The following TRAF2 variants were observed in gnomAD, a reference collection of about 807,000 sequenced individuals.
TRAF2 encodes TNF receptor associated factor 2.
A neutral mutation model predicts 55.6 loss-of-function variants in TRAF2; 6 were observed. That is an observed-to-expected ratio of 0.11 (90% CI 0.06 to 0.21). The LOEUF (loss-of-function observed/expected upper bound fraction) is 0.21, where lower values mean the gene tolerates loss of function less well. Among genes scored for constraint, TRAF2 ranks in the 10% least tolerant of loss-of-function variants. TRAF2 has a pLI of 1.00. For synonymous variants in TRAF2, 329 were observed against 276.3 expected, an observed-to-expected ratio of 1.19 and a Z score of -1.89; for missense variants, 561 against 684.5, an observed-to-expected ratio of 0.82 and a Z score of 2.01.
At chr9:136,910,056 T>G in intron 6 of TRAF2, 62 bp downstream of exon 6, 12 of 1,487,052 alleles carry the variant, frequency 8.1e-6, no homozygotes, top group South Asian at 1.2e-5. Flanking sequence ...GACGTGAGGG[T>G]CCCGTGGGTG....
Position 136,900,319 on chromosome 9 carries a change from G to A in TRAF2, c.268-103G>A, listed in dbSNP as rs115376150. On this transcript the variant is annotated intron_variant, in intron 3 of 10. Transcript: ENST00000247668. Reference sequence around the variant, plus strand: ...TGCTCCTGGAGTGGCCTGGAAAGGCGATGTGACGCAGTATTGGTTGGTTTG... The same window carrying A: ...TGCTCCTGGAGTGGCCTGGAAAGGCAATGTGACGCAGTATTGGTTGGTTTG... The A allele has an allele frequency of 1.9e-3, 1,361 of 706,156 alleles. 17 individuals are homozygous for A. The African/African-American group carries it at 0.022, about 11-fold the overall frequency. The allele number at this position is 706,156 out of a possible 1,614,324, so 43.7% of individuals were successfully genotyped here.
At chr9:136,922,965 G>T (rs1467887933) in intron 9 of TRAF2, among the ~76,000 whole-genome samples, 1 of 152,020 alleles carries the variant, frequency 6.6e-6, no homozygotes, top group East Asian at 1.9e-4. Flanking sequence ...GGGGCACGCG[G>T]TGGAGGACGA....
chr9:136,910,059 C>G (rs17250434), intron 6 of TRAF2, 65 bp downstream of exon 6: 2,529 of 934,594 alleles, frequency 2.7e-3, no homozygotes, highest in Non-Finnish European at 3.8e-3. Context: ...GTGAGGGTCC[C>G]GTGGGTGGGG....
chr9:136,893,801 G>A (rs1849627797), intron 1 of TRAF2, among the ~76,000 whole-genome samples: 1 of 152,166 alleles, frequency 6.6e-6, no homozygotes, highest in Non-Finnish European at 1.5e-5. Context: ...GCAGGCTGGA[G>A]TGCAGTGGTG....
upstream of TRAF2, among the ~76,000 whole-genome samples, chr9:136,885,222 C>T (rs1849423193): frequency 6.6e-6 from 1 of 152,222 alleles, no homozygotes; most frequent in Non-Finnish European, 1.5e-5. Context: ...AAAGCCTGCC[C>T]TGTTTTGCAG....
At chr9:136,898,150 C>A (rs897607501) in intron 1 of TRAF2, among the ~76,000 whole-genome samples, 2 of 152,162 alleles carry the variant, frequency 1.3e-5, no homozygotes, top group South Asian at 2.1e-4. Flanking sequence ...GTGCACTAGC[C>A]AGCCCCAGGT....
chr9:136,889,067 T>C (rs17250029), intron 1 of TRAF2, among the ~76,000 whole-genome samples: 74 of 152,278 alleles, frequency 4.9e-4, no homozygotes, highest in African/African-American at 1.6e-3. Context: ...GGTTTCACCA[T>C]GTTAGCCAGG....
intron 6 of TRAF2, among the ~76,000 whole-genome samples, chr9:136,911,264 CTTT>C (rs34077067): frequency 0.69 from 84,550 of 122,084 alleles, 28,190 homozygotes; most frequent in East Asian, 0.81. Flanking sequence ...TCCTTCCCGT[CTTT>C]TTTTTTTTTT....
intron 1 of TRAF2, among the ~76,000 whole-genome samples, chr9:136,895,850 GAAAAA>G (rs56199191): frequency 2.2e-4 from 29 of 132,876 alleles, no homozygotes; most frequent in Admixed American, 2.3e-4. Context: ...TCTGTTTAAG[GAAAAA>G]AAAAAAAAAA....
chr9:136,917,850 G>A (rs556004994), intron 7 of TRAF2, among the ~76,000 whole-genome samples: 9 of 152,172 alleles, frequency 5.9e-5, no homozygotes, highest in Non-Finnish European at 1.0e-4. Context: ...CAGGCTTCCC[G>A]TGCGGGAGGT....
intron 8 of TRAF2, 28 bp from the exon 9 acceptor site, chr9:136,921,008 AAG>A: frequency 1.2e-6 from 2 of 1,611,674 alleles, no homozygotes; most frequent in East Asian, 2.2e-5. Flanking sequence ...CCCCTCCTGT[AAG>A]AGGGAAGGTG....
At chr9:136,897,850 T>C (rs1167305612) in intron 1 of TRAF2, among the ~76,000 whole-genome samples, 1 of 128,430 alleles carries the variant, frequency 7.8e-6, no homozygotes, top group Admixed American at 8.3e-5. Context: ...GGGAGTGCAC[T>C]AGCCAGCCTC....
chr9:136,912,152 C>CTTTTTTTTTTTTTT lies in TRAF2; in HGVS notation c.603+2172_603+2185dup, dbSNP rs1180324647. ...CAGGCGTGAGCCACTGCGTCTGGCC[C>CTTTTTTTTTTTTTT]TTTTTTTTTTTTTTTTTTTTTTTTT... is the stretch of plus-strand genomic sequence containing the variant. On this transcript the variant is annotated intron_variant, in intron 6 of 10. Transcript: ENST00000247668. Among the ~76,000 whole-genome samples, 10 of 58,302 alleles carry CTTTTTTTTTTTTTT rather than the reference C, an allele frequency of 1.7e-4. 1 individual carries two copies. The highest frequency in any genetic ancestry group is 7.6e-4 in the African/African-American group (10 of 13,152). The allele number at this position is 58,302 out of a possible 152,430, so 38.2% of individuals were successfully genotyped here.
chr9:136,893,383 C>CT (rs1374981745), intron 1 of TRAF2, among the ~76,000 whole-genome samples: 11 of 152,360 alleles, frequency 7.2e-5, no homozygotes, highest in African/African-American at 2.6e-4. Flanking sequence ...CCACTGCTGG[C>CT]TTTGGGGGGC....
intron 1 of TRAF2, among the ~76,000 whole-genome samples, chr9:136,897,110 A>G (rs972506006): frequency 2.6e-5 from 4 of 152,204 alleles, no homozygotes; most frequent in African/African-American, 7.2e-5. Flanking sequence ...GGGGAGAGAG[A>G]AACCCACCTG....
In TRAF2 at chr9:136,920,501, G is replaced by T. The variant is rs575818876; in HGVS notation, c.946G>T (p.Ala316Ser). ...QHRLDQDKIE[A>S]LSSKVQQLER... ...CCGGCTGGACCAAGACAAGATTGAAGCCCTGAGTAGCAAGGTTTGTGCCTG... is the reference window on the plus strand; with the variant it reads ...CCGGCTGGACCAAGACAAGATTGAATCCCTGAGTAGCAAGGTTTGTGCCTG... The change falls in exon 8 of 11, where the codon GCC becomes TCC. Residue 316 changes from alanine (A) to serine (S), a missense_variant. Around this residue, in one of 2 missense-constraint regions of TRAF2, gnomAD observed 426 missense variants for 476.8 expected, o/e 0.89. Coordinates refer to ENST00000247668, the MANE Select transcript of TRAF2 (RefSeq NM_021138.4). 6.8e-6 allele frequency: 11 copies of T among 1,610,666 alleles called. No individual in the cohort carries two copies. Among genetic ancestry groups the T allele is most frequent in the Admixed American group, 1.7e-5 (1 of 59,820 alleles).
intron 6 of TRAF2, among the ~76,000 whole-genome samples, chr9:136,915,936 C>T (rs1422538810): frequency 6.6e-6 from 1 of 152,062 alleles, no homozygotes; most frequent in African/African-American, 2.4e-5. Context: ...TTCTCACACT[C>T]AGAGCCGCGA....
At position 136,899,590 on chromosome 9, in the gene TRAF2, C is replaced by A. The variant is rs1215130284; in HGVS notation, c.189-4C>A. ...GGTTGTTTTTTGCCTTTTTTCCCCACTAGCTCTGGGCCTCAGAACTGTGCT... is the reference window on the plus strand; with the variant it reads ...GGTTGTTTTTTGCCTTTTTTCCCCAATAGCTCTGGGCCTCAGAACTGTGCT... On this transcript the variant is annotated splice_region_variant and splice_polypyrimidine_tract_variant and intron_variant, in intron 2 of 10. Coordinates refer to ENST00000247668, the MANE Select transcript of TRAF2 (RefSeq NM_021138.4). 2 of 1,604,662 alleles carry A rather than the reference C, an allele frequency of 1.2e-6. No homozygotes were observed. Among genetic ancestry groups the A allele is most frequent in the African/African-American group, 2.7e-5 (2 of 74,604 alleles).
intron 6 of TRAF2, among the ~76,000 whole-genome samples, chr9:136,912,949 A>G (rs1365713736): frequency 1.3e-5 from 2 of 152,204 alleles, no homozygotes; most frequent in Non-Finnish European, 2.9e-5. Flanking sequence ...CCTGTCCAAC[A>G]TGGCAAAACC....
Sources: gnomAD v4.1 joint callset for allele counts (sites outside exome capture counted in the v4.1 genomes callset) on GRCh38, gnomAD v4.1.1 for gene constraint, gnomAD v4.1.1 regional missense constraint, MANE v1.5 for transcripts, NCBI Gene and HGNC (gene_info 2026-07-23, HGNC 2026-07-21) for gene names.